TFEB: variants seen among roughly 807,000 people sequenced by gnomAD.
The protein encoded by TFEB is transcription factor EB.
TFEB carries 12 observed loss-of-function variants against 48.0 expected under a neutral mutation model. The observed-to-expected ratio is 0.25, with a 90% CI of 0.16 to 0.40. The LOEUF (loss-of-function observed/expected upper bound fraction) is 0.40, where lower values mean the gene tolerates loss of function less well. Ranked by LOEUF, TFEB falls within the 10% of genes least tolerant of loss-of-function variation. The pLI, the probability that TFEB is intolerant of heterozygous loss-of-function variation, is 1.00. For missense variants in TFEB, 509 were observed against 640.3 expected (o/e 0.79, Z 2.21); for synonymous variants, 244 against 261.4 (o/e 0.93, Z 0.64).
intron 1 of TFEB, chr6:41,732,571 A>T (rs1174119453): frequency 2.0e-6 from 2 of 985,760 alleles, no homozygotes; most frequent in Non-Finnish European, 2.4e-6. Context: ...ACATTCCTAG[A>T]CACTTTAACC....
upstream of TFEB, chr6:41,735,758 G>A (rs188759965): frequency 1.1e-4 from 26 of 239,972 alleles, no homozygotes; most frequent in Admixed American, 7.0e-4. Context: ...AAGGCTTACA[G>A]GGAAAGAGGC....
At chr6:41,708,989 T>C (rs1213473001) in intron 1 of TFEB, among the ~76,000 whole-genome samples, 1 of 152,212 alleles carries the variant, frequency 6.6e-6, no homozygotes, top group Non-Finnish European at 1.5e-5. Context: ...GCAAGTTGCA[T>C]GGAGAAGAAA....
At chr6:41,709,821 C>A (rs1399791989) in intron 1 of TFEB, among the ~76,000 whole-genome samples, 3 of 152,134 alleles carry the variant, frequency 2.0e-5, no homozygotes, top group Non-Finnish European at 4.4e-5. Context: ...GGGTCTCACT[C>A]TGTCATCCAG....
intron 1 of TFEB, among the ~76,000 whole-genome samples, chr6:41,725,464 G>C (rs1198026703): frequency 6.6e-6 from 1 of 152,204 alleles, no homozygotes; most frequent in East Asian, 1.9e-4. Context: ...AGGGCCTGAA[G>C]GGTGATGGGT....
chr6:41,713,492 C>T (rs372107959), intron 1 of TFEB, among the ~76,000 whole-genome samples: 4 of 152,192 alleles, frequency 2.6e-5, no homozygotes, highest in African/African-American at 9.7e-5. Context: ...CGCTGACTCA[C>T]TCTTATAGCT....
chr6:41,725,837 T>C (rs945103493), intron 1 of TFEB, among the ~76,000 whole-genome samples: 3 of 152,116 alleles, frequency 2.0e-5, no homozygotes, highest in Non-Finnish European at 4.4e-5. Flanking sequence ...ATGGCAGAAA[T>C]TAAACTAACA....
In TFEB at chr6:41,691,382, G is replaced by A. The variant is rs1247668365; in HGVS notation, c.-22-147C>T. 2.0e-5 allele frequency: 17 copies of A among 850,466 alleles called. No individual in the cohort carries two copies. The Admixed American group carries it at 3.2e-4, about 16-fold the overall frequency. The allele number at this position is 850,466 out of a possible 1,614,324, so 52.7% of individuals were successfully genotyped here. On this transcript the variant is annotated intron_variant, in intron 1 of 8. Coordinates refer to ENST00000373033, the MANE Select transcript of TFEB (RefSeq NM_001271944.2). The surrounding 1 kb of genome is among the most constrained non-coding windows in gnomAD (Gnocchi z 5.2). Reference sequence around the variant, plus strand: ...CTGAGAGGGGAAGAGATTTGCCCAAGGTCACTGAGCAAGCGGGTGACAGCT... The same window carrying A: ...CTGAGAGGGGAAGAGATTTGCCCAAAGTCACTGAGCAAGCGGGTGACAGCT...
intron 8 of TFEB, 125 bp downstream of exon 8, chr6:41,685,965 C>G: frequency 7.9e-7 from 1 of 1,258,816 alleles, no homozygotes. Flanking sequence ...CTAACTGATA[C>G]ATCCTCCTTC....
At chr6:41,688,174 A>C in intron 4 of TFEB, 146 bp from the exon 5 acceptor site, 1 of 970,542 alleles carries the variant, frequency 1.0e-6, no homozygotes, top group Non-Finnish European at 1.5e-6. Flanking sequence ...CAGCAATTCA[A>C]CCTGAAGGTC....
intron 8 of TFEB, 65 bp downstream of exon 8, chr6:41,686,022 TGCC>T (rs1768979185): frequency 6.3e-7 from 1 of 1,599,342 alleles, no homozygotes; most frequent in Admixed American, 1.7e-5. Flanking sequence ...GTACAAGTAC[TGCC>T]CCTTAGGGCC....
Position 41,695,667 on chromosome 6 carries a change from T to C in TFEB, c.-22-4432A>G, listed in dbSNP as rs548776275. On this transcript the variant is annotated intron_variant, in intron 1 of 8. Transcript: ENST00000373033. ...GGGCTCTCCCAGCACCCCAAACTGT[T>C]CAGAGTTGTTACCGCTGGGGAGGGG... Among the ~76,000 whole-genome samples the C allele has an allele frequency of 1.2e-3, 184 of 152,186 alleles. 2 individuals are homozygous for C. Among genetic ancestry groups the C allele is most frequent in the African/African-American group, 4.1e-3 (169 of 41,522 alleles).
In TFEB at chr6:41,691,371, G is replaced by C. The variant is rs1257035882; in HGVS notation, c.-22-136C>G. ...GACACCGAGCCCTGAGAGGGGAAGAGATTTGCCCAAGGTCACTGAGCAAGC... is the reference window on the plus strand; with the variant it reads ...GACACCGAGCCCTGAGAGGGGAAGACATTTGCCCAAGGTCACTGAGCAAGC... On this transcript the variant is annotated intron_variant, in intron 1 of 8. Coordinates refer to ENST00000373033, the MANE Select transcript of TFEB (RefSeq NM_001271944.2). The surrounding 1 kb of genome is among the most constrained non-coding windows in gnomAD (Gnocchi z 5.2). The C allele has an allele frequency of 5.3e-6, 5 of 941,166 alleles. No homozygotes were observed. Among genetic ancestry groups the C allele is most frequent in the Non-Finnish European group, 8.5e-6 (5 of 590,750 alleles). 58.3% of individuals were successfully genotyped at this position (941,166 alleles called of 1,614,324 possible).
chr6:41,684,639 CG>C lies in TFEB; in HGVS notation c.1390del (p.Arg464AlafsTer82). ...MSPEASKASS[R>X]RSSFSMEEGD... The stretch of plus-strand genomic sequence containing the variant: ...CTCCTCCATGCTGAAGCTGCTCCGG[CG>C]GCTGCTGGCCTTGGAGGCCTCGGGG... On this transcript the variant is annotated frameshift_variant, in exon 9 of 9. Coordinates refer to ENST00000373033, the MANE Select transcript of TFEB (RefSeq NM_001271944.2). LOFTEE classifies it high-confidence loss of function. 6.2e-7 allele frequency: 1 copy of C among 1,607,444 alleles called. No individual in the cohort carries two copies. Among genetic ancestry groups the C allele is most frequent in the Non-Finnish European group, 8.5e-7 (1 of 1,176,988 alleles).
chr6:41,718,959 C>G (rs920037695), intron 1 of TFEB, among the ~76,000 whole-genome samples: 1 of 152,136 alleles, frequency 6.6e-6, no homozygotes, highest in African/African-American at 2.4e-5. Context: ...AATCCATGGC[C>G]GGTTAGGAAC....
chr6:41,720,383 C>G lies in TFEB; in HGVS notation c.-23+14967G>C, dbSNP rs973032247. The stretch of plus-strand genomic sequence containing the variant: ...TGCCCTAGGTCACAGGGTAGGGAGG[C>G]CAGGGGCTCTCCAGACAGGCAGCTG... On this transcript the variant is annotated intron_variant, in intron 1 of 8. Coordinates refer to ENST00000373033, the MANE Select transcript of TFEB (RefSeq NM_001271944.2). The surrounding 1 kb of genome is among the most constrained non-coding windows in gnomAD (Gnocchi z 4.1). 6.6e-6 allele frequency: 1 copy of G among 152,242 alleles called. No homozygotes were observed. The highest frequency in any genetic ancestry group is 2.4e-5 in the African/African-American group (1 of 41,438). The allele number at this position is 152,242 out of a possible 1,614,324, so 9.4% of individuals were successfully genotyped here.
At chr6:41,733,709 TCCTCTG>T in intron 1 of TFEB, 1 of 985,438 alleles carries the variant, frequency 1.0e-6, no homozygotes, top group Non-Finnish European at 1.2e-6. Flanking sequence ...ACCCTTCCCT[TCCTCTG>T]CCTCTGCCTC....
chr6:41,714,409 C>A (rs886591626), intron 1 of TFEB, among the ~76,000 whole-genome samples: 11 of 152,128 alleles, frequency 7.2e-5, no homozygotes, highest in African/African-American at 2.7e-4. Flanking sequence ...ATGAATAAGG[C>A]TGAATCTGGA....
At chr6:41,735,800 C>G (rs1771657706), upstream of TFEB, among the ~76,000 whole-genome samples, 2 of 152,220 alleles carry the variant, frequency 1.3e-5, no homozygotes, top group Admixed American at 1.3e-4. Flanking sequence ...CCACTTCTAC[C>G]TCTTTGCAAG....
At chr6:41,700,226 G>A (rs1769827304) in intron 1 of TFEB, among the ~76,000 whole-genome samples, 1 of 152,042 alleles carries the variant, frequency 6.6e-6, no homozygotes, top group Non-Finnish European at 1.5e-5. Flanking sequence ...CAGCACTTTG[G>A]GAGGCTGAGG....
Sources: gnomAD v4.1 joint callset for allele counts (sites outside exome capture counted in the v4.1 genomes callset) on GRCh38, gnomAD v4.1.1 for gene constraint, Gnocchi (gnomAD v3.1) non-coding constraint, MANE v1.5 for transcripts, NCBI Gene and HGNC (gene_info 2026-07-23, HGNC 2026-07-21) for gene names.